Variants in SLC19A1 observed in about 807,000 individuals in gnomAD.
The protein encoded by SLC19A1 is solute carrier family 19 member 1, also known as reduced folate transporter.
In SLC19A1, 37 loss-of-function variants were observed where a neutral mutation model predicts 35.3. The observed-to-expected ratio is 1.05, with a 90% CI of 0.81 to 1.38. The LOEUF is 1.38. SLC19A1 is among the 40% of genes most tolerant of loss of function. The pLI, the probability that SLC19A1 is intolerant of heterozygous loss-of-function variation, is 0.00. For missense variants in SLC19A1, 831 were observed against 826.9 expected (o/e 1.00, Z -0.06); for synonymous variants, 460 against 398.5 (o/e 1.15, Z -1.84).
intron 1 of SLC19A1, among the ~76,000 whole-genome samples, chr21:45,559,271 C>G (rs2078592591): frequency 1.3e-5 from 2 of 152,194 alleles, no homozygotes; most frequent in Non-Finnish European, 2.9e-5. Flanking sequence ...TGTGTGGAAA[C>G]ATCGCAACGT....
intron 5 of SLC19A1, among the ~76,000 whole-genome samples, chr21:45,523,836 G>A (rs1474749704): frequency 2.0e-5 from 3 of 152,190 alleles, no homozygotes; most frequent in Non-Finnish European, 1.5e-5. Context: ...GGGGACAGAG[G>A]TAACTCGGGG....
At chr21:45,503,943 G>T in intron 3 of SLC19A1, 1 of 1,576,460 alleles carries the variant, frequency 6.3e-7, no homozygotes, top group Admixed American at 1.7e-5. Context: ...CAGTGCTGGG[G>T]GCTGCAGAGG....
downstream of SLC19A1, among the ~76,000 whole-genome samples, chr21:45,507,990 T>C (rs773709835): frequency 6.6e-6 from 1 of 151,984 alleles, no homozygotes; most frequent in Non-Finnish European, 1.5e-5. Flanking sequence ...GGTGAATCAA[T>C]GGGGAGGTGG....
chr21:45,557,512 G>A (rs925535585), intron 1 of SLC19A1, among the ~76,000 whole-genome samples: 6 of 152,256 alleles, frequency 3.9e-5, no homozygotes, highest in East Asian at 1.9e-4. Flanking sequence ...GTGAGTGTCC[G>A]CCTGGAGTGT....
upstream of SLC19A1, among the ~76,000 whole-genome samples, chr21:45,543,614 G>A (rs1269425749): frequency 2.0e-5 from 3 of 152,226 alleles, no homozygotes; most frequent in Admixed American, 6.5e-5. Flanking sequence ...CTAAATGGCC[G>A]CCTGCCCAAA....
At chr21:45,506,302 G>A in intron 3 of SLC19A1, 3 of 374,818 alleles carry the variant, frequency 8.0e-6, no homozygotes, top group South Asian at 6.4e-5. Flanking sequence ...AGGCGGCAGG[G>A]GGGCTCAGGC....
rs1458452686 is a variant in SLC19A1 at position 45,531,807 on chromosome 21, C to G, written c.531G>C (p.Val177=). Reference sequence around the variant, plus strand: ...TGAGCGTGGAGAAGGAGACTCGGCCCACAGTGACCAGCAGCTGGCCCAGCA... The same window carrying G: ...TGAGCGTGGAGAAGGAGACTCGGCCGACAGTGACCAGCAGCTGGCCCAGCA... ...SSVLGQLLVT[V]GRVSFSTLNY... The change falls in exon 3 of 6, where the codon GTG becomes GTC. Residue 177 remains valine, a synonymous_variant. Transcript: ENST00000311124. 17 of 1,593,602 alleles carry G rather than the reference C, an allele frequency of 1.1e-5. No homozygotes were observed. The highest frequency in any genetic ancestry group is 1.4e-5 in the Non-Finnish European group (16 of 1,170,618).
intron 2 of SLC19A1, among the ~76,000 whole-genome samples, chr21:45,537,222 C>T (rs1018113407): frequency 2.0e-5 from 3 of 152,172 alleles, no homozygotes; most frequent in Admixed American, 2.0e-4. Flanking sequence ...TTTTATCTAG[C>T]CTGGTTACTA....
At position 45,507,543 on chromosome 21, in the gene SLC19A1, C is replaced by T. The variant is rs754438726; in HGVS notation, c.498-8931G>A. 8 of 1,612,206 alleles carry T rather than the reference C, an allele frequency of 5.0e-6. No individual in the cohort carries two copies. In the Admixed American group the frequency reaches 1.3e-4, roughly 27 times the overall value. ...GGCCCAGCCGCAGGTCCTGGGTGAC[C>T]CTGCTGCTTTCTTCCAGCTGGAGGC... On this transcript the variant is annotated intron_variant, in intron 3 of 4. Transcript: ENST00000417954.
chr21:45,538,144 C>A (rs1398088552), intron 1 of SLC19A1, 136 bp from the exon 2 acceptor site: 2 of 507,898 alleles, frequency 3.9e-6, no homozygotes, highest in East Asian at 6.6e-5. Context: ...AGACCCCAGA[C>A]CCATCCTCAC....
chr21:45,531,794 A>G lies in SLC19A1; in HGVS notation c.544T>C (p.Phe182Leu), dbSNP rs748642212. The G allele has an allele frequency of 6.3e-7, 1 of 1,598,786 alleles. No individual in the cohort carries two copies. The highest frequency in any genetic ancestry group is 8.5e-7 in the Non-Finnish European group (1 of 1,173,002). ...QLLVTVGRVS[F>L]STLNYISLAF... ...AGCGAGATGTAGTTGAGCGTGGAGA[A>G]GGAGACTCGGCCCACAGTGACCAGC... Residue 182 changes from phenylalanine (F) to leucine (L), a missense_variant, in exon 3 of 6, where the codon TTC (phenylalanine) becomes CTC (leucine). Transcript: ENST00000311124.
In SLC19A1 at chr21:45,530,778, G is replaced by A. The variant is rs771210291; in HGVS notation, c.1143C>T (p.Pro381=). The A allele has an allele frequency of 3.8e-6, 6 of 1,560,340 alleles. No individual in the cohort carries two copies. The highest frequency in any genetic ancestry group is 5.2e-6 in the Non-Finnish European group (6 of 1,152,330). ...ACCCTTCTGGAACTCACGTGGCGAT[G>A]GGCACGAGGAACTGGTAGGAGCCGC... The part of the protein sequence containing the change: ...LFRGSYQFLV[P]IATFQIASSL... Residue 381 remains proline, a synonymous_variant, in exon 4 of 6, where the codon CCC becomes CCT. Coordinates refer to ENST00000311124, the MANE Select transcript of SLC19A1 (RefSeq NM_194255.4). The surrounding 1 kb of genome is among the most constrained non-coding windows in gnomAD (Gnocchi z 5.3).
At chr21:45,507,071 TG>T in intron 3 of SLC19A1, 1 of 315,504 alleles carries the variant, frequency 3.2e-6, no homozygotes, top group Non-Finnish European at 6.2e-6. Flanking sequence ...CTGGGAGGGC[TG>T]GGTGCTGGGC....
chr21:45,551,117 CT>C (rs967513110), intron 1 of SLC19A1, among the ~76,000 whole-genome samples: 8 of 151,358 alleles, frequency 5.3e-5, no homozygotes, highest in Admixed American at 5.3e-4. Flanking sequence ...AAGGAACTAC[CT>C]TTTGGATCTA....
chr21:45,505,200 G>A lies in SLC19A1; in HGVS notation c.498-6588C>T, dbSNP rs376598650. The A allele has an allele frequency of 1.4e-4, 229 of 1,603,118 alleles. No homozygotes were observed. The highest frequency in any genetic ancestry group is 1.3e-3 in the Middle Eastern group (8 of 6,004). ...TGGACCTCAGGGACCCCCCGGCATC[G>A]GCTACGAGGGGCGCCAGGGCCCTCC... is the stretch of plus-strand genomic sequence containing the variant. On this transcript the variant is annotated intron_variant, in intron 3 of 4. Transcript: ENST00000417954.
chr21:45,516,254 G>T, intron 5 of SLC19A1, 114 bp from the exon 6 acceptor site: 1 of 811,944 alleles, frequency 1.2e-6, no homozygotes, highest in Non-Finnish European at 2.0e-6. Context: ...GGCTGACCCT[G>T]AACACTGCAC....
upstream of SLC19A1, among the ~76,000 whole-genome samples, chr21:45,543,613 C>T (rs892719969): frequency 2.6e-5 from 4 of 152,214 alleles, no homozygotes; most frequent in Admixed American, 6.5e-5. Context: ...CCTAAATGGC[C>T]GCCTGCCCAA....
At chr21:45,554,766 T>G (rs754918114) in intron 1 of SLC19A1, among the ~76,000 whole-genome samples, 7 of 151,510 alleles carry the variant, frequency 4.6e-5, no homozygotes, top group Non-Finnish European at 7.4e-5. Flanking sequence ...TGCTATCATT[T>G]TTACTATTAT....
At position 45,531,989 on chromosome 21, in the gene SLC19A1, C is replaced by A; in HGVS notation, c.349G>T (p.Ala117Ser). 6.2e-7 allele frequency: 1 copy of A among 1,610,210 alleles called. No individual in the cohort carries two copies. The highest frequency in any genetic ancestry group is 1.1e-5 in the South Asian group (1 of 91,028). ...WLLLLLGHSV[A>S]HMQLMELFYS... Reference sequence around the variant, plus strand: ...AAGAGCTCCATGAGCTGCATGTGCGCCACCGAGTGGCCCAGCAGCAGCAGC... The same window carrying A: ...AAGAGCTCCATGAGCTGCATGTGCGACACCGAGTGGCCCAGCAGCAGCAGC... Residue 117 changes from alanine to serine, a missense_variant, in exon 3 of 6, where the codon GCG (alanine) becomes TCG (serine). By Grantham distance (99) the Ala-to-Ser change is moderately conservative. Transcript: ENST00000311124.
Sources: allele counts gnomAD v4.1 joint callset (sites outside exome capture counted in the v4.1 genomes callset), GRCh38; gene constraint gnomAD v4.1.1; non-coding constraint Gnocchi (gnomAD v3.1); transcripts MANE v1.5; gene names NCBI Gene and HGNC (gene_info 2026-07-23, HGNC 2026-07-21).